Variants in WDSUB1 observed in about 807,000 individuals in gnomAD.
WDSUB1 encodes the protein WD repeat, sterile alpha motif and U-box domain containing 1.
A neutral mutation model predicts 53.9 loss-of-function variants in WDSUB1; 49 were observed. The ratio of observed to expected loss-of-function variants is 0.91; its 90% CI spans 0.72 to 1.15. The LOEUF is 1.15. Among genes scored for constraint, WDSUB1 ranks in the 50% most tolerant of loss-of-function variants. The probability of loss-of-function intolerance (pLI) is 0.00; values close to 1 mark genes in which losing one functional copy is unlikely to be tolerated. For missense variants in WDSUB1, 514 were observed against 562.0 expected (o/e 0.91, Z 0.86); for synonymous variants, 194 against 200.6 (o/e 0.97, Z 0.28).
intron 5 of WDSUB1, among the ~76,000 whole-genome samples, chr2:159,268,643 C>T (rs569200456): frequency 1.3e-5 from 2 of 152,216 alleles, no homozygotes; most frequent in East Asian, 3.9e-4. Context: ...AATGCTATGA[C>T]CTGTGAGATC....
intron 8 of WDSUB1, among the ~76,000 whole-genome samples, chr2:159,256,756 T>C (rs961360137): frequency 1.3e-5 from 2 of 152,218 alleles, no homozygotes; most frequent in Non-Finnish European, 2.9e-5. Flanking sequence ...TAGATAATTC[T>C]GACAGTGATA....
Position 159,278,713 on chromosome 2 carries a change from T to C in WDSUB1, c.583+1048A>G, listed in dbSNP as rs142444198. ...CATTCCAGGAATGAAAGAAAGTCAA[T>C]GTGGCAAAAAATGCATAAGGCCAAG... is the stretch of plus-strand genomic sequence containing the variant. On this transcript the variant is annotated intron_variant, in intron 3 of 10. Coordinates refer to ENST00000359774, the MANE Select transcript of WDSUB1 (RefSeq NM_001128212.3). Among the ~76,000 whole-genome samples the C allele has an allele frequency of 8.1e-3, 1,237 of 152,190 alleles. 11 individuals carry two copies. Among genetic ancestry groups the C allele is most frequent in the African/African-American group, 0.023 (958 of 41,542 alleles).
In WDSUB1 at chr2:159,248,471, C is replaced by G; in HGVS notation, c.1174G>C (p.Glu392Gln). The G allele has an allele frequency of 1.3e-6, 2 of 1,579,732 alleles. No homozygotes were observed. Among genetic ancestry groups the G allele is most frequent in the Non-Finnish European group, 1.7e-6 (2 of 1,168,896 alleles). The change falls in exon 10 of 11, where the codon GAG (glutamate) becomes CAG (glutamine). Residue 392 changes from glutamate (E) to glutamine (Q), a missense_variant. Physicochemically the swap from Glu to Gln is conservative, Grantham distance 29 (BLOSUM62 2). Transcript: ENST00000359774. ...AGGGATTTAACCTTGGTCCTGAGCT[C>G]TTCAATTTTCCTCAGCACTTTACTA... is the stretch of plus-strand genomic sequence containing the variant. ...LRSKVLRKIE[E>Q]LRTKVKSLSS...
chr2:159,272,773 C>T (rs58466602), intron 4 of WDSUB1, among the ~76,000 whole-genome samples: 4,337 of 152,226 alleles, frequency 0.028, 196 homozygotes, highest in African/African-American at 0.094. Flanking sequence ...ATTTACACAT[C>T]TTGTAATTCC....
chr2:159,259,946 A>G, intron 5 of WDSUB1, 103 bp from the exon 6 acceptor site: 1 of 1,160,708 alleles, frequency 8.6e-7, no homozygotes, highest in Non-Finnish European at 1.2e-6. Context: ...TCTAGAAAAG[A>G]CAGATATTAA....
intron 2 of WDSUB1, among the ~76,000 whole-genome samples, chr2:159,280,446 C>T (rs1575497113): frequency 6.6e-6 from 1 of 151,896 alleles, no homozygotes; most frequent in East Asian, 1.9e-4. Flanking sequence ...AATCCCAGCA[C>T]TTTGGGAGGC....
chr2:159,281,130 T>C (rs2061655022), intron 2 of WDSUB1, among the ~76,000 whole-genome samples: 1 of 152,228 alleles, frequency 6.6e-6, no homozygotes, highest in Non-Finnish European at 1.5e-5. Flanking sequence ...CTCTAAAAGA[T>C]GTTGGGAGAC....
intron 2 of WDSUB1, among the ~76,000 whole-genome samples, chr2:159,280,420 G>A (rs62172691): frequency 6.6e-6 from 1 of 151,990 alleles, no homozygotes; most frequent in Admixed American, 6.6e-5. Context: ...GGCCGGGCGC[G>A]GTGGCTCACG....
intron 2 of WDSUB1, among the ~76,000 whole-genome samples, chr2:159,280,656 A>T (rs2061642102): frequency 8.1e-6 from 1 of 122,762 alleles, no homozygotes; most frequent in African/African-American, 3.2e-5. Context: ...CCGCCACTGC[A>T]CTCCAGCCTG....
intron 1 of WDSUB1, among the ~76,000 whole-genome samples, chr2:159,283,905 C>T (rs1216302150): frequency 6.6e-6 from 1 of 152,216 alleles, no homozygotes; most frequent in African/African-American, 2.4e-5. Flanking sequence ...ACTCCCGCCT[C>T]GCGGGTTCAA....
intron 10 of WDSUB1, among the ~76,000 whole-genome samples, chr2:159,247,078 C>G (rs6724416): frequency 0.012 from 1,854 of 152,302 alleles, 46 homozygotes; most frequent in African/African-American, 0.042. Context: ...CTAAGATTCA[C>G]TTTTAATAAA....
intron 10 of WDSUB1, among the ~76,000 whole-genome samples, chr2:159,247,902 T>TAAAA (rs1559531865): frequency 5.4e-5 from 1 of 18,554 alleles, no homozygotes; most frequent in Non-Finnish European, 1.3e-4. Flanking sequence ...TATATATATA[T>TAAAA]ATATATAAAT....
chr2:159,239,634 A>C (rs139504740), intron 10 of WDSUB1, among the ~76,000 whole-genome samples: 17 of 152,304 alleles, frequency 1.1e-4, no homozygotes, highest in African/African-American at 4.1e-4. Context: ...TTATCATATA[A>C]GAAAGTCGGC....
chr2:159,256,791 C>T (rs2061073787), intron 8 of WDSUB1, among the ~76,000 whole-genome samples: 2 of 152,100 alleles, frequency 1.3e-5, no homozygotes, highest in Admixed American at 1.3e-4. Context: ...AAATTATGTG[C>T]CAATGTCGCT....
chr2:159,272,264 G>A (rs144032955), intron 4 of WDSUB1, among the ~76,000 whole-genome samples: 12 of 152,310 alleles, frequency 7.9e-5, no homozygotes, highest in East Asian at 7.7e-4. Context: ...ATTCGGTTAC[G>A]GATTGCAGAA....
intron 10 of WDSUB1, among the ~76,000 whole-genome samples, chr2:159,240,246 G>A (rs964611318): frequency 6.6e-6 from 1 of 152,146 alleles, no homozygotes; most frequent in Admixed American, 6.5e-5. Context: ...ATATTCTCTT[G>A]TATGGCTATA....
intron 4 of WDSUB1, among the ~76,000 whole-genome samples, chr2:159,274,931 C>G (rs1429824995): frequency 2.6e-5 from 4 of 151,884 alleles, no homozygotes; most frequent in African/African-American, 9.7e-5. Context: ...CTTTTAGAAT[C>G]TGAAAATATG....
chr2:159,242,309 G>A lies in WDSUB1; in HGVS notation c.1273+6063C>T, dbSNP rs1016060231. 3.0e-4 allele frequency among the ~76,000 whole-genome samples: 44 copies of A among 145,360 alleles called. 3 individuals carry two copies. Among genetic ancestry groups the A allele is most frequent in the African/African-American group, 5.4e-4 (20 of 36,778 alleles). On this transcript the variant is annotated intron_variant, in intron 10 of 10. Coordinates refer to ENST00000359774, the MANE Select transcript of WDSUB1 (RefSeq NM_001128212.3). ...CCTGACCTCATGATCTGCCCACCTC[G>A]GCCTCCCAAAGTGCTGGGATTACAG...
chr2:159,257,994 CAAT>C lies in WDSUB1; in HGVS notation c.805-12_805-10del, dbSNP rs752947737. Reference sequence around the variant, plus strand: ...AGTATATTCTCAGTATTCTGAAAAACAATAAAAACAGCTTTAAATTTACTCAAG... The same window carrying C: ...AGTATATTCTCAGTATTCTGAAAAACAAAAACAGCTTTAAATTTACTCAAG... On this transcript the variant is annotated splice_polypyrimidine_tract_variant and intron_variant, in intron 6 of 10. Coordinates refer to ENST00000359774, the MANE Select transcript of WDSUB1 (RefSeq NM_001128212.3). The C allele has an allele frequency of 6.2e-7, 1 of 1,611,514 alleles. No individual in the cohort carries two copies. Among genetic ancestry groups the C allele is most frequent in the African/African-American group, 1.3e-5 (1 of 74,936 alleles).
Sources: allele counts gnomAD v4.1 joint callset (sites outside exome capture counted in the v4.1 genomes callset), GRCh38; gene constraint gnomAD v4.1.1; transcripts MANE v1.5; gene names NCBI Gene and HGNC (gene_info 2026-07-23, HGNC 2026-07-21).